The following LIMS1 variants were observed in gnomAD, a reference collection of about 807,000 sequenced individuals.
LIMS1 encodes LIM zinc finger domain containing 1, also known as LIM and senescent cell antigen-like-containing domain protein 1.
LIMS1 carries 18 observed loss-of-function variants against 44.1 expected under a neutral mutation model. The ratio of observed to expected loss-of-function variants is 0.41; its 90% CI spans 0.28 to 0.61. The LOEUF is 0.61. Among genes scored for constraint, LIMS1 ranks in the 20% least tolerant of loss-of-function variants. The pLI, the probability that LIMS1 is intolerant of heterozygous loss-of-function variation, is 0.32. For missense variants in LIMS1, 201 were observed against 422.0 expected (o/e 0.48, Z 4.59); for synonymous variants, 93 against 149.1 (o/e 0.62, Z 2.74).
At chr2:108,646,327 C>CA (rs2148932577) in intron 1 of LIMS1, among the ~76,000 whole-genome samples, 1 of 152,278 alleles carries the variant, frequency 6.6e-6, no homozygotes, top group East Asian at 1.9e-4. Context: ...CTAAGAAACT[C>CA]ACTCAAAACC....
chr2:108,638,722 G>A (rs1344403201), intron 1 of LIMS1, among the ~76,000 whole-genome samples: 1 of 151,644 alleles, frequency 6.6e-6, no homozygotes, highest in East Asian at 1.9e-4. Context: ...ACTCCAGCCT[G>A]GCAACAGAGT....
chr2:108,553,589 G>A (rs1444775353), intron 1 of LIMS1, among the ~76,000 whole-genome samples: 1 of 152,072 alleles, frequency 6.6e-6, no homozygotes, highest in African/African-American at 2.4e-5. Flanking sequence ...CTATTTTGTG[G>A]TCTTCTCTTT....
intron 1 of LIMS1, among the ~76,000 whole-genome samples, chr2:108,550,320 C>T (rs1051618012): frequency 1.3e-5 from 2 of 149,384 alleles, no homozygotes; most frequent in African/African-American, 4.9e-5. Context: ...ACGGTGAAAC[C>T]CCATCTCTAC....
intron 1 of LIMS1, among the ~76,000 whole-genome samples, chr2:108,619,438 A>G (rs1050202900): frequency 5.9e-5 from 9 of 151,800 alleles, no homozygotes; most frequent in South Asian, 2.1e-4. Context: ...AATCCCAGCA[A>G]TTTGGGAGGC....
At chr2:108,621,393 T>TAGAGA in intron 1 of LIMS1, 1 of 1,550,148 alleles carries the variant, frequency 6.5e-7, no homozygotes, top group Non-Finnish European at 8.7e-7. Flanking sequence ...CACATTCAGG[T>TAGAGA]CTCTACAGGA....
chr2:108,647,171 C>T (rs963514461), intron 1 of LIMS1, among the ~76,000 whole-genome samples: 2 of 152,276 alleles, frequency 1.3e-5, no homozygotes, highest in African/African-American at 4.8e-5. Context: ...CTACCATCAG[C>T]GAATACTGTA....
In LIMS1 at chr2:108,621,595, T is replaced by G. The variant is rs1688244807; in HGVS notation, c.33-38010T>G. 5.9e-6 allele frequency: 4 copies of G among 679,404 alleles called. No homozygotes were observed. The Admixed American group carries it at 9.2e-5, about 16-fold the overall frequency. 42.1% of individuals were successfully genotyped at this position (679,404 alleles called of 1,614,324 possible). A position where few individuals can be genotyped will look rare whatever the true frequency, so the allele number is the denominator to read the frequency against. On this transcript the variant is annotated intron_variant, in intron 1 of 9. Transcript: ENST00000544547. ...AGCCTCTTAGTCTGTAATTAAAAAC[T>G]GAACACAATATCAAGATTGTACTGA...
At chr2:108,613,380 A>G (rs531153755) in intron 1 of LIMS1, among the ~76,000 whole-genome samples, 1 of 152,320 alleles carries the variant, frequency 6.6e-6, no homozygotes, top group Admixed American at 6.5e-5. Context: ...CTCATGCTGT[A>G]GTTCACCAGG....
At chr2:108,645,963 A>G (rs1690036282) in intron 1 of LIMS1, among the ~76,000 whole-genome samples, 2 of 152,204 alleles carry the variant, frequency 1.3e-5, no homozygotes, top group Non-Finnish European at 2.9e-5. Context: ...CTAAATATAT[A>G]TGCACCCAAT....
At chr2:108,623,182 G>T (rs1388699589) in intron 1 of LIMS1, among the ~76,000 whole-genome samples, 2 of 151,368 alleles carry the variant, frequency 1.3e-5, no homozygotes, top group Non-Finnish European at 2.9e-5. Context: ...GTATAGGTTA[G>T]CCAAGAAAGG....
At chr2:108,607,296 A>G in intron 1 of LIMS1, 3 of 1,536,482 alleles carry the variant, frequency 2.0e-6, no homozygotes, top group Non-Finnish European at 2.6e-6. Context: ...CCCCCTCCAA[A>G]TGAAACACAA....
chr2:108,679,217 G>A (rs1000087061), intron 8 of LIMS1, among the ~76,000 whole-genome samples: 14 of 151,314 alleles, frequency 9.3e-5, no homozygotes, highest in East Asian at 3.9e-4. Context: ...AGTGGCTCAC[G>A]CCTGTGATCC....
intron 1 of LIMS1, among the ~76,000 whole-genome samples, chr2:108,630,192 CAAAAAAAAAAA>C (rs59941456): frequency 1.9e-5 from 2 of 103,954 alleles, no homozygotes; most frequent in African/African-American, 4.1e-5. Flanking sequence ...GACCCTGTCT[CAAAAAAAAAAA>C]AAAAAAAAAA....
chr2:108,582,580 C>T (rs1024261523), intron 1 of LIMS1, among the ~76,000 whole-genome samples: 2 of 152,150 alleles, frequency 1.3e-5, no homozygotes, highest in Non-Finnish European at 2.9e-5. Flanking sequence ...ACCAGCCTGG[C>T]CACATGTTGA....
intron 1 of LIMS1, among the ~76,000 whole-genome samples, chr2:108,535,242 C>T (rs1430394126): frequency 6.6e-6 from 1 of 152,214 alleles, no homozygotes; most frequent in Non-Finnish European, 1.5e-5. Context: ...TCTGATCTTA[C>T]ACAGATGTGT....
chr2:108,650,610 G>T (rs1475270992), intron 1 of LIMS1, among the ~76,000 whole-genome samples: 2 of 151,984 alleles, frequency 1.3e-5, no homozygotes, highest in Non-Finnish European at 2.9e-5. Flanking sequence ...TAGAGACAGG[G>T]TTTCATCATG....
chr2:108,572,251 C>T (rs1685502611), intron 1 of LIMS1, among the ~76,000 whole-genome samples: 1 of 151,968 alleles, frequency 6.6e-6, no homozygotes, highest in African/African-American at 2.4e-5. Flanking sequence ...TGAAATACAA[C>T]TTACATACAA....
At chr2:108,639,173 G>C (rs550201535) in intron 1 of LIMS1, among the ~76,000 whole-genome samples, 10 of 152,296 alleles carry the variant, frequency 6.6e-5, no homozygotes, top group African/African-American at 1.9e-4. Context: ...CACACAGTGG[G>C]TGCTATGGCT....
chr2:108,571,695 T>G (rs575429637), intron 1 of LIMS1, among the ~76,000 whole-genome samples: 4 of 152,344 alleles, frequency 2.6e-5, no homozygotes, highest in African/African-American at 9.6e-5. Context: ...ATGAGTGTTT[T>G]AGACAGTGAA....
Sources: allele counts gnomAD v4.1 joint callset (sites outside exome capture counted in the v4.1 genomes callset), GRCh38; gene constraint gnomAD v4.1.1; transcripts MANE v1.5; gene names NCBI Gene and HGNC (gene_info 2026-07-23, HGNC 2026-07-21).